TIAM2: variants seen among roughly 807,000 people sequenced by gnomAD.
TIAM2 encodes the protein TIAM Rac1 associated GEF 2, also known as rho guanine nucleotide exchange factor TIAM2.
TIAM2 carries 80 observed loss-of-function variants against 152.9 expected under a neutral mutation model. The ratio of observed to expected loss-of-function variants is 0.52; its 90% CI spans 0.44 to 0.63. The LOEUF is 0.63. TIAM2 is among the 30% of genes least tolerant of loss of function. The pLI, the probability that TIAM2 is intolerant of heterozygous loss-of-function variation, is 0.00. For synonymous variants in TIAM2, 804 were observed against 838.0 expected, an observed-to-expected ratio of 0.96 and a Z score of 0.70; for missense variants, 1,965 against 2,120.1, an observed-to-expected ratio of 0.93 and a Z score of 1.44.
intron 2 of TIAM2, among the ~76,000 whole-genome samples, chr6:155,103,158 G>A (rs1778586836): frequency 6.6e-6 from 1 of 152,142 alleles, no homozygotes. Flanking sequence ...TTAGGATGGA[G>A]AACTAAATTG....
intron 9 of TIAM2, among the ~76,000 whole-genome samples, chr6:155,167,732 A>G (rs1043150051): frequency 2.6e-5 from 4 of 152,004 alleles, no homozygotes; most frequent in Non-Finnish European, 5.9e-5. Flanking sequence ...TCTGGCCTCA[A>G]TCCATCTTCC....
At chr6:154,999,683 T>G (rs960477490) in intron 1 of TIAM2, among the ~76,000 whole-genome samples, 5 of 151,730 alleles carry the variant, frequency 3.3e-5, no homozygotes, top group African/African-American at 1.2e-4. Flanking sequence ...CTTTTTTTAT[T>G]TTTTTTTGAG....
At position 155,130,425 on chromosome 6, in the gene TIAM2, T is replaced by C. The variant is rs375243899; in HGVS notation, c.1194+8T>C. 42 of 1,610,652 alleles carry C rather than the reference T, an allele frequency of 2.6e-5. 1 individual carries two copies. The African/African-American group carries it at 4.1e-4, about 16-fold the overall frequency. On this transcript the variant is annotated splice_region_variant and intron_variant, in intron 4 of 26. Transcript: ENST00000682666. Reference sequence around the variant, plus strand: ...AAGAAAAGGAAACTCCAGGTGAGCATACCTTAGAGCAGAGGGAAGGGTCCC... The same window carrying C: ...AAGAAAAGGAAACTCCAGGTGAGCACACCTTAGAGCAGAGGGAAGGGTCCC...
chr6:155,017,460 G>A (rs1778611469), intron 1 of TIAM2, among the ~76,000 whole-genome samples: 2 of 150,544 alleles, frequency 1.3e-5, no homozygotes, highest in African/African-American at 4.9e-5. Flanking sequence ...ATAAGTCCTT[G>A]CTTCCTGTCA....
At chr6:155,118,051 C>T (rs1000064855) in intron 2 of TIAM2, among the ~76,000 whole-genome samples, 2 of 152,214 alleles carry the variant, frequency 1.3e-5, no homozygotes, top group Admixed American at 6.6e-5. Flanking sequence ...ACTCCTTTCC[C>T]AGAGGGTGTT....
intron 1 of TIAM2, among the ~76,000 whole-genome samples, chr6:155,077,203 C>G (rs953440341): frequency 6.8e-6 from 1 of 147,778 alleles, no homozygotes; most frequent in African/African-American, 2.5e-5. Flanking sequence ...TTTTAAAGAA[C>G]AGGAACCCTA....
intron 14 of TIAM2, among the ~76,000 whole-genome samples, chr6:155,196,486 A>G (rs1781349917): frequency 6.6e-6 from 1 of 152,166 alleles, no homozygotes; most frequent in Non-Finnish European, 1.5e-5. Context: ...TCTAGATTGG[A>G]TGGTGTTGGG....
intron 14 of TIAM2, among the ~76,000 whole-genome samples, chr6:155,192,725 T>C (rs1210491585): frequency 6.6e-6 from 1 of 152,218 alleles, no homozygotes; most frequent in Non-Finnish European, 1.5e-5. Flanking sequence ...AAAACTAGAT[T>C]CTCATATCAG....
intron 15 of TIAM2, among the ~76,000 whole-genome samples, chr6:155,230,697 T>C (rs186585294): frequency 1.5e-4 from 23 of 152,290 alleles, no homozygotes; most frequent in African/African-American, 5.1e-4. Flanking sequence ...AGCCAAAAGA[T>C]TAAAATAACT....
chr6:155,158,109 A>G (rs945716433), intron 7 of TIAM2, among the ~76,000 whole-genome samples: 13 of 152,226 alleles, frequency 8.5e-5, no homozygotes, highest in Admixed American at 2.0e-4. Context: ...AGAAAGAAAC[A>G]TGAATTATCT....
At chr6:155,047,726 CGAGAGA>C (rs763117085) in intron 1 of TIAM2, among the ~76,000 whole-genome samples, 11 of 37,028 alleles carry the variant, frequency 3.0e-4, no homozygotes, top group South Asian at 8.1e-4. Context: ...AGAGAGAGAG[CGAGAGA>C]GAGAGAGAGA....
chr6:155,120,702 T>C (rs561237439), intron 2 of TIAM2, among the ~76,000 whole-genome samples: 1 of 152,348 alleles, frequency 6.6e-6, no homozygotes, highest in Non-Finnish European at 1.5e-5. Flanking sequence ...TTGGAACTAC[T>C]GACATATTAG....
chr6:155,236,717 G>C (rs1277670292), intron 15 of TIAM2, among the ~76,000 whole-genome samples: 1 of 152,170 alleles, frequency 6.6e-6, no homozygotes, highest in African/African-American at 2.4e-5. Context: ...AGCAGGCAAA[G>C]AGAGCTTGTG....
At chr6:155,052,103 G>A (rs912665396) in intron 1 of TIAM2, among the ~76,000 whole-genome samples, 4 of 152,134 alleles carry the variant, frequency 2.6e-5, no homozygotes, top group African/African-American at 4.8e-5. Context: ...ATCTCCTTTA[G>A]CACTTGTTAC....
At chr6:155,227,310 C>T (rs1313096334) in intron 15 of TIAM2, among the ~76,000 whole-genome samples, 2 of 152,176 alleles carry the variant, frequency 1.3e-5, no homozygotes, top group East Asian at 1.9e-4. Flanking sequence ...AGTCAGTCTG[C>T]GGAGACTTAG....
rs1268679088 is a variant in TIAM2, at chr6:155,137,295, T to C, written c.1313T>C (p.Ile438Thr). Reference sequence around the variant, plus strand: ...CTGTGGTCAGGGGGCTCTACTCAGATCCTGTCTCAGAGAAGTGAATCCACA... The same window carrying C: ...CTGTGGTCAGGGGGCTCTACTCAGACCCTGTCTCAGAGAAGTGAATCCACA... ...AFLWSGGSTQ[I>T]LSQRSESTHA... The change falls in exon 5 of 27, where the codon ATC becomes ACC. Residue 438 changes from isoleucine to threonine, a missense_variant. Coordinates refer to ENST00000682666, the MANE Select transcript of TIAM2 (RefSeq NM_012454.4). The C allele has an allele frequency of 6.2e-7, 1 of 1,614,224 alleles. No homozygotes were observed. The highest frequency in any genetic ancestry group is 8.5e-7 in the Non-Finnish European group (1 of 1,180,046).
chr6:155,056,990 C>T (rs111500323), intron 1 of TIAM2, among the ~76,000 whole-genome samples: 7 of 124,874 alleles, frequency 5.6e-5, no homozygotes, highest in Non-Finnish European at 1.0e-4. Context: ...AGATAGTTTG[C>T]TAGTAGAATG....
At chr6:155,168,491 G>A (rs1780497840) in intron 9 of TIAM2, among the ~76,000 whole-genome samples, 1 of 152,012 alleles carries the variant, frequency 6.6e-6, no homozygotes, top group Non-Finnish European at 1.5e-5. Context: ...TGAGTAGCTG[G>A]GACCACAGGC....
At chr6:155,004,460 G>C (rs1021079891) in intron 1 of TIAM2, among the ~76,000 whole-genome samples, 4 of 152,094 alleles carry the variant, frequency 2.6e-5, no homozygotes, top group African/African-American at 9.7e-5. Flanking sequence ...ACATGATCTT[G>C]GCTCACTGCA....
Sources: gnomAD v4.1 joint callset for allele counts (sites outside exome capture counted in the v4.1 genomes callset) on GRCh38, gnomAD v4.1.1 for gene constraint, MANE v1.5 for transcripts, NCBI Gene and HGNC (gene_info 2026-07-23, HGNC 2026-07-21) for gene names.